Variants in STAB2 observed in about 807,000 individuals in gnomAD.
The protein encoded by STAB2 is stabilin 2, also known as stabilin-2.
In STAB2, 288 loss-of-function variants were observed where a neutral mutation model predicts 338.1. The observed-to-expected ratio is 0.85, with a 90% CI of 0.77 to 0.94. STAB2 has a LOEUF of 0.94. Ranked by LOEUF, STAB2 falls within the 40% of genes least tolerant of loss-of-function variation. The pLI, the probability that STAB2 is intolerant of heterozygous loss-of-function variation, is 0.00. For missense variants in STAB2, 3,141 were observed against 3,210.1 expected, an observed-to-expected ratio of 0.98 and a Z score of 0.52; for synonymous variants, 1,202 against 1,193.3, an observed-to-expected ratio of 1.01 and a Z score of -0.15.
intron 63 of STAB2, 24 bp downstream of exon 63, chr12:103,755,742 T>G (rs7313163): frequency 0.31 from 493,545 of 1,612,140 alleles, 78,054 homozygotes; most frequent in Middle Eastern, 0.39. Flanking sequence ...CTGCTTGGTT[T>G]GCCTCAGGCA....
chr12:103,711,564 T>TC (rs1182926605), intron 40 of STAB2, 48 bp downstream of exon 40: 2 of 1,604,412 alleles, frequency 1.2e-6, no homozygotes, highest in Admixed American at 1.7e-5. Context: ...GGGGATTTTT[T>TC]CCCAATATTG....
intron 53 of STAB2, among the ~76,000 whole-genome samples, chr12:103,738,419 A>G (rs183921922): frequency 6.6e-6 from 1 of 152,192 alleles, no homozygotes; most frequent in Non-Finnish European, 1.5e-5. Context: ...CAATAATCCA[A>G]TAATAGGAAC....
At chr12:103,609,554 C>T (rs1283603822) in intron 3 of STAB2, among the ~76,000 whole-genome samples, 6 of 152,142 alleles carry the variant, frequency 3.9e-5, no homozygotes, top group Admixed American at 3.9e-4. Context: ...TGAGACTTTG[C>T]TGAAGTTGCT....
intron 66 of STAB2, among the ~76,000 whole-genome samples, chr12:103,761,936 C>T (rs11111751): frequency 0.47 from 70,959 of 152,026 alleles, 17,567 homozygotes; most frequent in East Asian, 0.88. Context: ...GAGAGTTCCA[C>T]AGCATAGTGG....
Position 103,685,323 on chromosome 12 carries a change from T to C in STAB2, c.2997+239T>C, listed in dbSNP as rs548499078. The stretch of plus-strand genomic sequence containing the variant: ...AGTCCTTACTTCTCTTTCTTGATAC[T>C]CTACCTGTTTCCATTCTCAGACTTC... On this transcript the variant is annotated intron_variant, in intron 27 of 68. Transcript: ENST00000388887. Among the ~76,000 whole-genome samples the C allele has an allele frequency of 2.0e-5, 3 of 152,294 alleles. No individual in the cohort carries two copies. The South Asian group carries it at 6.2e-4, about 32-fold the overall frequency.
chr12:103,692,702 C>A, intron 30 of STAB2, 110 bp from the exon 31 acceptor site: 1 of 835,402 alleles, frequency 1.2e-6, no homozygotes. Context: ...GGTCTTGGCC[C>A]AAAAGTATGA....
At chr12:103,682,029 A>G (rs1876958657) in intron 25 of STAB2, among the ~76,000 whole-genome samples, 1 of 152,102 alleles carries the variant, frequency 6.6e-6, no homozygotes, top group Non-Finnish European at 1.5e-5. Flanking sequence ...CAGGACTTCA[A>G]CAAATGAATT....
chr12:103,667,678 T>C (rs1264889005), intron 19 of STAB2, among the ~76,000 whole-genome samples: 1 of 152,214 alleles, frequency 6.6e-6, no homozygotes, highest in Non-Finnish European at 1.5e-5. Context: ...TGCTCCTTCC[T>C]CAGTGACCTC....
In STAB2 at chr12:103,733,099, GAAC is replaced by G; in HGVS notation, c.5382_5384del (p.Gln1795del). On this transcript the variant is annotated inframe_deletion, in exon 51 of 69. Coordinates refer to ENST00000388887, the MANE Select transcript of STAB2 (RefSeq NM_017564.10). ...CCAAGCCCTCCATGCCCTACCTGCT[GAAC>G]AACAGGACTTCCTGTTCAACCAAGA... is the stretch of plus-strand genomic sequence containing the variant. 2 of 1,614,104 alleles carry G rather than the reference GAAC, an allele frequency of 1.2e-6. No homozygotes were observed. Among genetic ancestry groups the G allele is most frequent in the Non-Finnish European group, 1.7e-6 (2 of 1,180,032 alleles).
intron 3 of STAB2, among the ~76,000 whole-genome samples, chr12:103,596,136 G>A (rs560636398): frequency 3.3e-5 from 5 of 152,264 alleles, no homozygotes; most frequent in African/African-American, 1.2e-4. Context: ...AATTAACTCC[G>A]ACTTCCAGAT....
chr12:103,650,574 T>A lies in STAB2; in HGVS notation c.1253T>A (p.Phe418Tyr), dbSNP rs759063244. The change falls in exon 11 of 69, where the codon TTC (phenylalanine) becomes TAC (tyrosine). Residue 418 changes from phenylalanine to tyrosine, a missense_variant. Coordinates refer to ENST00000388887, the MANE Select transcript of STAB2 (RefSeq NM_017564.10). ...LLPTDKGLKG[F>Y]NVNELLVDNK... ...CCTACAGACAAGGGACTGAAAGGAT[T>A]CAATGTGAGTATTTAAAATGACCCT... 1 of 1,612,636 alleles carries A rather than the reference T, an allele frequency of 6.2e-7. No individual in the cohort carries two copies. Among genetic ancestry groups the A allele is most frequent in the South Asian group, 1.1e-5 (1 of 91,036 alleles).
chr12:103,732,700 G>A (rs1881727266), intron 50 of STAB2, among the ~76,000 whole-genome samples: 1 of 152,142 alleles, frequency 6.6e-6, no homozygotes, highest in Non-Finnish European at 1.5e-5. Context: ...AGCTACTCAG[G>A]AGGTTGAGGT....
At chr12:103,612,372 C>G (rs1367512994) in intron 3 of STAB2, among the ~76,000 whole-genome samples, 1 of 152,176 alleles carries the variant, frequency 6.6e-6, no homozygotes, top group African/African-American at 2.4e-5. Context: ...TTCTTGGAGG[C>G]TTTGTTCATT....
At chr12:103,688,728 G>A (rs1877656395) in intron 28 of STAB2, among the ~76,000 whole-genome samples, 2 of 152,174 alleles carry the variant, frequency 1.3e-5, no homozygotes, top group South Asian at 2.1e-4. Context: ...TCTGTATGGG[G>A]CCTCTCTGAA....
chr12:103,613,926 T>G (rs1565961429), intron 3 of STAB2, among the ~76,000 whole-genome samples: 2 of 152,218 alleles, frequency 1.3e-5, no homozygotes, highest in East Asian at 3.8e-4. Context: ...CTATATCTTG[T>G]ATTTTTATTT....
intron 5 of STAB2, among the ~76,000 whole-genome samples, chr12:103,625,643 A>C (rs1957369808): frequency 6.6e-6 from 1 of 152,082 alleles, no homozygotes; most frequent in African/African-American, 2.4e-5. Context: ...GTTTGCTGAG[A>C]ATGATGGTTT....
At chr12:103,619,346 G>A (rs1198285472) in intron 3 of STAB2, among the ~76,000 whole-genome samples, 4 of 151,838 alleles carry the variant, frequency 2.6e-5, no homozygotes, top group African/African-American at 9.7e-5. Flanking sequence ...AATAAACCCA[G>A]GTCAACTCAG....
intron 5 of STAB2, among the ~76,000 whole-genome samples, chr12:103,626,032 C>A (rs7301888): frequency 0.021 from 3,182 of 152,258 alleles, 93 homozygotes; most frequent in African/African-American, 0.069. Context: ...TGTTTCCTGA[C>A]TTTTTAATGA....
At chr12:103,650,201 G>A (rs2138725971) in intron 10 of STAB2, among the ~76,000 whole-genome samples, 1 of 151,770 alleles carries the variant, frequency 6.6e-6, no homozygotes, top group Admixed American at 6.6e-5. Flanking sequence ...AGGGACCCTG[G>A]GGTTGTGGTA....
Sources: allele counts gnomAD v4.1 joint callset (sites outside exome capture counted in the v4.1 genomes callset), GRCh38; gene constraint gnomAD v4.1.1; transcripts MANE v1.5; gene names NCBI Gene and HGNC (gene_info 2026-07-23, HGNC 2026-07-21).